CAMK2D: variants seen among roughly 807,000 people sequenced by gnomAD.
CAMK2D encodes the protein calcium/calmodulin-dependent protein kinase type II subunit delta.
A neutral mutation model predicts 84.0 loss-of-function variants in CAMK2D; 37 were observed. The ratio of observed to expected loss-of-function variants is 0.44; its 90% confidence interval spans 0.34 to 0.58. The LOEUF is 0.58. CAMK2D is among the 20% of genes least tolerant of loss of function. The pLI, the probability that CAMK2D is intolerant of heterozygous loss-of-function variation, is 0.02. For missense variants in CAMK2D, 448 were observed against 652.5 expected (o/e 0.69, Z 3.41); for synonymous variants, 202 against 212.5 (o/e 0.95, Z 0.43).
At chr4:113,694,291 A>C (rs2099396626) in intron 2 of CAMK2D, among the ~76,000 whole-genome samples, 1 of 152,218 alleles carries the variant, frequency 6.6e-6, no homozygotes, top group South Asian at 2.1e-4. Flanking sequence ...CTGATGATTT[A>C]TTAATGAAGC....
chr4:113,575,085 A>G (rs939492788), intron 4 of CAMK2D, among the ~76,000 whole-genome samples: 3 of 152,192 alleles, frequency 2.0e-5, no homozygotes, highest in African/African-American at 7.2e-5. Flanking sequence ...TAGTAAATGT[A>G]ATCACTTTTC....
intron 6 of CAMK2D, among the ~76,000 whole-genome samples, chr4:113,543,088 G>A (rs1320608264): frequency 6.6e-6 from 1 of 152,194 alleles, no homozygotes; most frequent in Non-Finnish European, 1.5e-5. Context: ...CATTTGAACT[G>A]CAGAAATCTT....
At chr4:113,509,547 A>T in intron 13 of CAMK2D, 91 bp downstream of exon 13, 2 of 802,516 alleles carry the variant, frequency 2.5e-6, no homozygotes, top group Non-Finnish European at 4.2e-6. Context: ...AAAAAATAGA[A>T]CTTGCAAAGA....
chr4:113,531,782 T>G (rs1474832516), intron 7 of CAMK2D, among the ~76,000 whole-genome samples: 1 of 152,148 alleles, frequency 6.6e-6, no homozygotes, highest in Admixed American at 6.6e-5. Context: ...GAATCACTAC[T>G]GAACAAGTAT....
chr4:113,606,440 A>G (rs1362224871), intron 4 of CAMK2D, among the ~76,000 whole-genome samples: 1 of 151,790 alleles, frequency 6.6e-6, no homozygotes, highest in Non-Finnish European at 1.5e-5. Flanking sequence ...ACTGCACTCA[A>G]GCCTGAATCG....
intron 4 of CAMK2D, among the ~76,000 whole-genome samples, chr4:113,592,948 G>A (rs1237941222): frequency 6.6e-6 from 1 of 152,040 alleles, no homozygotes; most frequent in Non-Finnish European, 1.5e-5. Flanking sequence ...CTGCCTCCCG[G>A]GTTCCAGTGA....
intron 2 of CAMK2D, among the ~76,000 whole-genome samples, chr4:113,717,235 C>G (rs1271899315): frequency 2.0e-5 from 3 of 152,040 alleles, no homozygotes; most frequent in African/African-American, 7.2e-5. Flanking sequence ...CCAGAATTCT[C>G]TTATCTTTTC....
In CAMK2D at chr4:113,677,803, C is replaced by T. The variant is rs373157148; in HGVS notation, c.161-16031G>A. 4.6e-5 allele frequency among the ~76,000 whole-genome samples: 7 copies of T among 151,668 alleles called. No homozygotes were observed. The East Asian group carries it at 7.7e-4, about 17-fold the overall frequency. The stretch of plus-strand genomic sequence containing the variant: ...TAAGTCAGTCAAGTAAAAATAATCT[C>T]ATGTATACAGAGGAAAAAAATGGCT... On this transcript the variant is annotated intron_variant, in intron 2 of 20. Transcript: ENST00000511664.
At chr4:113,493,998 T>C (rs1426317594) in intron 16 of CAMK2D, among the ~76,000 whole-genome samples, 2 of 152,148 alleles carry the variant, frequency 1.3e-5, no homozygotes, top group Non-Finnish European at 2.9e-5. Context: ...CTCCATCAGC[T>C]CCTTTAAGCA....
At chr4:113,640,225 C>A (rs2099126920) in intron 3 of CAMK2D, among the ~76,000 whole-genome samples, 1 of 151,932 alleles carries the variant, frequency 6.6e-6, no homozygotes, top group Non-Finnish European at 1.5e-5. Context: ...AGTGAATATT[C>A]CACTAGCTAG....
At chr4:113,526,134 T>A (rs2098415746) in intron 8 of CAMK2D, among the ~76,000 whole-genome samples, 1 of 152,200 alleles carries the variant, frequency 6.6e-6, no homozygotes, top group Admixed American at 6.5e-5. Context: ...GTGGGAGTCA[T>A]TTCCCCTCAA....
At chr4:113,591,158 A>T (rs575707379) in intron 4 of CAMK2D, among the ~76,000 whole-genome samples, 1 of 151,680 alleles carries the variant, frequency 6.6e-6, no homozygotes, top group Non-Finnish European at 1.5e-5. Flanking sequence ...TAGAAGTTTT[A>T]CTTATTTTAT....
intron 4 of CAMK2D, among the ~76,000 whole-genome samples, chr4:113,553,076 T>C (rs2098640621): frequency 6.6e-6 from 1 of 152,294 alleles, no homozygotes; most frequent in South Asian, 2.1e-4. Context: ...TTTAACCTTG[T>C]AAGAGCTAAC....
intron 7 of CAMK2D, among the ~76,000 whole-genome samples, chr4:113,532,566 T>C (rs747505832): frequency 1.3e-5 from 2 of 152,166 alleles, no homozygotes; most frequent in Non-Finnish European, 2.9e-5. Context: ...TGGACACAAT[T>C]GTTTTAAAGA....
At chr4:113,677,778 T>G (rs1029872590) in intron 2 of CAMK2D, among the ~76,000 whole-genome samples, 2 of 152,032 alleles carry the variant, frequency 1.3e-5, no homozygotes, top group Non-Finnish European at 2.9e-5. Context: ...ATTAAAGAGA[T>G]AAGTCAGTCA....
chr4:113,544,979 C>T (rs865823339), intron 6 of CAMK2D, among the ~76,000 whole-genome samples: 1 of 152,120 alleles, frequency 6.6e-6, no homozygotes. Flanking sequence ...TCATAATTTC[C>T]CACTGTCTAA....
At position 113,453,975 on chromosome 4, in the gene CAMK2D, T is replaced by G. The variant is rs908879215; in HGVS notation, c.*570A>C. On this transcript the variant is annotated 3_prime_UTR_variant, in exon 21 of 21. Coordinates refer to ENST00000511664, the MANE Select transcript of CAMK2D (RefSeq NM_001321571.2). The stretch of plus-strand genomic sequence containing the variant: ...TTGCTTCTACTTTCATAAGTGATTT[T>G]GCCCACATATCATCCCACTTTAATT... The G allele has an allele frequency of 1.3e-5, 2 of 152,496 alleles. No homozygotes were observed. The highest frequency in any genetic ancestry group is 6.6e-5 in the Admixed American group (1 of 15,240). 9.4% of individuals were successfully genotyped at this position (152,496 alleles called of 1,614,324 possible).
intron 7 of CAMK2D, among the ~76,000 whole-genome samples, chr4:113,536,605 A>C (rs2098493140): frequency 6.6e-6 from 1 of 152,198 alleles, no homozygotes; most frequent in African/African-American, 2.4e-5. Context: ...TTTTGGAACT[A>C]TACATGGGAA....
At chr4:113,671,920 A>C (rs575448817) in intron 2 of CAMK2D, among the ~76,000 whole-genome samples, 9 of 152,338 alleles carry the variant, frequency 5.9e-5, no homozygotes, top group African/African-American at 2.2e-4. Flanking sequence ...TGACTATTTC[A>C]TCCTAAATAT....
Sources: allele counts gnomAD v4.1 joint callset (sites outside exome capture counted in the v4.1 genomes callset), GRCh38; gene constraint gnomAD v4.1.1; transcripts MANE v1.5; gene names NCBI Gene and HGNC (gene_info 2026-07-23, HGNC 2026-07-21).